MYLK4: variants seen among roughly 807,000 people sequenced by gnomAD.
The protein encoded by MYLK4 is caMLCK like.
MYLK4 carries 46 observed loss-of-function variants against 48.1 expected under a neutral mutation model. That is an observed-to-expected ratio of 0.96 (90% confidence interval 0.75 to 1.22). The LOEUF is 1.22. MYLK4 is among the 50% of genes most tolerant of loss of function. MYLK4 has a pLI of 0.00. For missense variants in MYLK4, 451 were observed against 486.1 expected (o/e 0.93, Z 0.68); for synonymous variants, 170 against 180.8 (o/e 0.94, Z 0.48).
In MYLK4 at chr6:2,664,755, A is replaced by G. The variant is rs1760580358; in HGVS notation, c.*3170T>C. 6.6e-6 allele frequency: 1 copy of G among 152,244 alleles called. No individual in the cohort carries two copies. Among genetic ancestry groups the G allele is most frequent in the African/African-American group, 2.4e-5 (1 of 41,470 alleles). 9.4% of individuals were successfully genotyped at this position (152,244 alleles called of 1,614,324 possible). On this transcript the variant is annotated 3_prime_UTR_variant, in exon 13 of 13. Coordinates refer to ENST00000274643, the MANE Select transcript of MYLK4 (RefSeq NM_001012418.5). ...AATATCAAGTTAGAGGAAATAACTG[A>G]AAACAAACTTATGGCACTCAACAGA...
upstream of MYLK4, among the ~76,000 whole-genome samples, chr6:2,751,360 T>C (rs1219157157): frequency 6.6e-6 from 1 of 152,260 alleles, no homozygotes; most frequent in African/African-American, 2.4e-5. Context: ...GTTTGTTTTA[T>C]TTTTCTCAGT....
chr6:2,695,109 A>G (rs568515331), intron 2 of MYLK4, among the ~76,000 whole-genome samples: 2 of 152,348 alleles, frequency 1.3e-5, no homozygotes, highest in South Asian at 2.1e-4. Context: ...GAGAGAATTT[A>G]AGTCCAATTT....
At chr6:2,763,124 G>C in the MYLK4 span, among the ~76,000 whole-genome samples, 2 of 152,124 alleles carry the variant, frequency 1.3e-5, no homozygotes, top group Admixed American at 6.5e-5. Flanking sequence ...TTTACGGAGA[G>C]CTGATTGGTC....
At chr6:2,766,478 T>G in the MYLK4 span, 1 of 1,467,572 alleles carries the variant, frequency 6.8e-7, no homozygotes, top group Non-Finnish European at 9.1e-7. Context: ...GCTTCCGTAG[T>G]TATCTCGGCG....
chr6:2,727,946 CAAAAAA>C (rs10716559), intron 2 of MYLK4, among the ~76,000 whole-genome samples: 1 of 104,870 alleles, frequency 9.5e-6, no homozygotes. Flanking sequence ...GACTCCGTCT[CAAAAAA>C]AAAAAAAAAA....
rs1485995733 is a variant in MYLK4, at chr6:2,673,528, G to A, written c.1119+1519C>T. On this transcript the variant is annotated intron_variant, in intron 11 of 12. Transcript: ENST00000274643. The surrounding 1 kb of genome is among the most constrained non-coding windows in gnomAD (Gnocchi z 4.2). ...ATGGAGAGGATGAGGAGCAAAGGTG[G>A]AAGAAACAAAAACGTATCAAACCCA... Among the ~76,000 whole-genome samples, 3 of 152,130 alleles carry A rather than the reference G, an allele frequency of 2.0e-5. No individual in the cohort carries two copies. The highest frequency in any genetic ancestry group is 2.0e-4 in the Admixed American group (3 of 15,276).
chr6:2,765,170 G>A, the MYLK4 span, among the ~76,000 whole-genome samples: 1 of 136,464 alleles, frequency 7.3e-6, no homozygotes, highest in Non-Finnish European at 1.6e-5. Context: ...CGCGCACCAC[G>A]CTCGCCTCGC....
chr6:2,690,774 G>A (rs901063049), intron 3 of MYLK4, among the ~76,000 whole-genome samples: 1 of 143,094 alleles, frequency 7.0e-6, no homozygotes, highest in Non-Finnish European at 1.5e-5. Flanking sequence ...TCCTTAGAGA[G>A]AAATTATTAA....
chr6:2,738,471 G>A (rs994458684), intron 2 of MYLK4, among the ~76,000 whole-genome samples: 2 of 152,218 alleles, frequency 1.3e-5, no homozygotes, highest in Admixed American at 6.5e-5. Flanking sequence ...CTGTGTCTAC[G>A]AACAGAGAGC....
chr6:2,770,217 G>T, the MYLK4 span: 3 of 1,614,164 alleles, frequency 1.9e-6, no homozygotes, highest in Non-Finnish European at 2.5e-6. Flanking sequence ...CTTCTGAGCC[G>T]CTGTCGAGTG....
chr6:2,717,262 T>G (rs964142228), intron 2 of MYLK4, among the ~76,000 whole-genome samples: 1 of 152,270 alleles, frequency 6.6e-6, no homozygotes, highest in Admixed American at 6.5e-5. Context: ...ACTCACTTGT[T>G]AAATTTCCTT....
chr6:2,744,083 C>G, intron 2 of MYLK4: 1 of 398,876 alleles, frequency 2.5e-6, no homozygotes, highest in Non-Finnish European at 4.4e-6. Flanking sequence ...TGTTCCTTCC[C>G]TGCCCTGATC....
At chr6:2,769,370 G>A in the MYLK4 span, among the ~76,000 whole-genome samples, 1 of 151,754 alleles carries the variant, frequency 6.6e-6, no homozygotes, top group Non-Finnish European at 1.5e-5. Flanking sequence ...GAAATAAAAG[G>A]ACACAAGCTA....
At chr6:2,746,426 TAAAAG>T (rs1199866741) in intron 2 of MYLK4, among the ~76,000 whole-genome samples, 2 of 151,390 alleles carry the variant, frequency 1.3e-5, no homozygotes, top group African/African-American at 2.4e-5. Flanking sequence ...AGAAGAAAAA[TAAAAG>T]AAATAGAAAA....
rs1329269176 is a variant in MYLK4 at position 2,665,033 on chromosome 6, T to C, written c.*2892A>G. The C allele has an allele frequency of 6.6e-6, 1 of 152,204 alleles. No individual in the cohort carries two copies. The highest frequency in any genetic ancestry group is 1.9e-4 in the East Asian group (1 of 5,196). The allele number at this position is 152,204 out of a possible 1,614,324, so 9.4% of individuals were successfully genotyped here. ...CTACATCGGTGCTTAATTTCCTCCATTTGCTAAAGAAAGTGGGAACTGCCT... is the reference window on the plus strand; with the variant it reads ...CTACATCGGTGCTTAATTTCCTCCACTTGCTAAAGAAAGTGGGAACTGCCT... On this transcript the variant is annotated 3_prime_UTR_variant, in exon 13 of 13. Transcript: ENST00000274643.
chr6:2,767,305 G>A, the MYLK4 span, among the ~76,000 whole-genome samples: 1 of 152,224 alleles, frequency 6.6e-6, no homozygotes, highest in Admixed American at 6.5e-5. Flanking sequence ...TCCATAATAA[G>A]GGAGAAGAAC....
At chr6:2,699,282 C>CTTTTTTTTTTTTTTTTTTT (rs1762184790) in intron 2 of MYLK4, among the ~76,000 whole-genome samples, 3 of 63,568 alleles carry the variant, frequency 4.7e-5, no homozygotes, top group African/African-American at 1.8e-4. Flanking sequence ...CTTTTCTTTT[C>CTTTTTTTTTTTTTTTTTTT]TTTTCTTTTT....
chr6:2,700,864 A>G (rs907695616), intron 2 of MYLK4, among the ~76,000 whole-genome samples: 3 of 152,202 alleles, frequency 2.0e-5, no homozygotes, highest in Non-Finnish European at 4.4e-5. Context: ...GTGGAGAAAT[A>G]TCACCTTTCA....
chr6:2,760,168 A>G, the MYLK4 span, among the ~76,000 whole-genome samples: 1 of 151,838 alleles, frequency 6.6e-6, no homozygotes, highest in African/African-American at 2.4e-5. Context: ...ATAAAAAAGC[A>G]ATACAGTATA....
Sources: allele counts gnomAD v4.1 joint callset (sites outside exome capture counted in the v4.1 genomes callset), GRCh38; gene constraint gnomAD v4.1.1; non-coding constraint Gnocchi (gnomAD v3.1); transcripts MANE v1.5; gene names NCBI Gene and HGNC (gene_info 2026-07-23, HGNC 2026-07-21).